KCNH8: variants seen among roughly 807,000 people sequenced by gnomAD.
The protein encoded by KCNH8 is potassium voltage-gated channel subfamily H member 8, also known as voltage-gated delayed rectifier potassium channel KCNH8.
Under a neutral mutation model 103.6 loss-of-function variants are expected in KCNH8, and 70 were observed. The ratio of observed to expected loss-of-function variants is 0.68; its 90% CI spans 0.56 to 0.82. The LOEUF (loss-of-function observed/expected upper bound fraction) is 0.82, where lower values mean the gene tolerates loss of function less well. Ranked by LOEUF, KCNH8 falls within the 40% of genes least tolerant of loss-of-function variation. The pLI is 0.00. For missense variants in KCNH8, 1,217 were observed against 1,329.9 expected (o/e 0.92, Z 1.32); for synonymous variants, 498 against 489.4 (o/e 1.02, Z -0.23).
intron 3 of KCNH8, among the ~76,000 whole-genome samples, chr3:19,291,700 C>T (rs1219689547): frequency 6.6e-6 from 1 of 152,104 alleles, no homozygotes; most frequent in Non-Finnish European, 1.5e-5. Context: ...TGGTGTGGTG[C>T]TGAAAAGAAT....
chr3:19,460,026 C>T (rs142095861), intron 11 of KCNH8, among the ~76,000 whole-genome samples: 70 of 151,908 alleles, frequency 4.6e-4, no homozygotes, highest in Non-Finnish European at 8.4e-4. Context: ...AAAGGAAAAG[C>T]GGGTGTCAGA....
chr3:19,255,109 C>G lies in KCNH8; in HGVS notation c.310+1222C>G, dbSNP rs145434609. Among the ~76,000 whole-genome samples, 537 of 152,140 alleles carry G rather than the reference C, an allele frequency of 3.5e-3. 3 individuals are homozygous for G. Among genetic ancestry groups the G allele is most frequent in the African/African-American group, 0.012 (496 of 41,520 alleles). On this transcript the variant is annotated intron_variant, in intron 2 of 15. Coordinates refer to ENST00000328405, the MANE Select transcript of KCNH8 (RefSeq NM_144633.3). Reference sequence around the variant, plus strand: ...GAGTCCTTATAGGAAGCAGAAGAGGCACTGAGGGTGTGCACACACAAAAGA... The same window carrying G: ...GAGTCCTTATAGGAAGCAGAAGAGGGACTGAGGGTGTGCACACACAAAAGA...
chr3:19,325,087 C>T (rs1418400126), intron 3 of KCNH8, among the ~76,000 whole-genome samples: 1 of 152,076 alleles, frequency 6.6e-6, no homozygotes, highest in East Asian at 1.9e-4. Context: ...CTGACAAAAA[C>T]AAGCAACAGG....
intron 3 of KCNH8, 147 bp from the exon 4 acceptor site, chr3:19,342,440 T>G: frequency 3.3e-6 from 2 of 612,100 alleles, no homozygotes; most frequent in Non-Finnish European, 5.0e-6. Context: ...AGGACTAAAA[T>G]TAAATTAAAT....
intron 5 of KCNH8, among the ~76,000 whole-genome samples, chr3:19,375,895 G>A (rs1198256699): frequency 5.9e-5 from 9 of 152,162 alleles, no homozygotes; most frequent in Non-Finnish European, 1.2e-4. Flanking sequence ...CTTGCTGGGG[G>A]GTGCCTCCCA....
intron 11 of KCNH8, among the ~76,000 whole-genome samples, chr3:19,469,892 C>T (rs1204454230): frequency 6.6e-6 from 1 of 152,032 alleles, no homozygotes; most frequent in Non-Finnish European, 1.5e-5. Context: ...ACCTTCTTCC[C>T]ATCTTCATTG....
At position 19,295,806 on chromosome 3, in the gene KCNH8, A is replaced by G. The variant is rs531197363; in HGVS notation, c.442+14477A>G. Among the ~76,000 whole-genome samples, 526 of 152,152 alleles carry G rather than the reference A, an allele frequency of 3.5e-3. 6 individuals are homozygous for G. Among genetic ancestry groups the G allele is most frequent in the African/African-American group, 0.012 (505 of 41,506 alleles). On this transcript the variant is annotated intron_variant, in intron 3 of 15. Coordinates refer to ENST00000328405, the MANE Select transcript of KCNH8 (RefSeq NM_144633.3). Reference sequence around the variant, plus strand: ...TGAGGTAGTGACTTTGCCAGTGGGGAAAAAAACAGACTATTTGGTACCAAG... The same window carrying G: ...TGAGGTAGTGACTTTGCCAGTGGGGGAAAAAACAGACTATTTGGTACCAAG...
intron 1 of KCNH8, among the ~76,000 whole-genome samples, chr3:19,247,884 T>C (rs1277084334): frequency 6.6e-6 from 1 of 152,148 alleles, no homozygotes; most frequent in African/African-American, 2.4e-5. Flanking sequence ...TATTTGAGGC[T>C]ACAAAGGGAG....
intron 5 of KCNH8, among the ~76,000 whole-genome samples, chr3:19,377,928 C>T (rs1020895989): frequency 6.6e-6 from 1 of 152,122 alleles, no homozygotes; most frequent in African/African-American, 2.4e-5. Flanking sequence ...AAGAAGTGCT[C>T]AACAATAATT....
chr3:19,481,216 A>G (rs1217507773), intron 11 of KCNH8, among the ~76,000 whole-genome samples: 1 of 152,270 alleles, frequency 6.6e-6, no homozygotes, highest in South Asian at 2.1e-4. Context: ...ATTTTGTTAC[A>G]TAGATATACT....
intron 3 of KCNH8, among the ~76,000 whole-genome samples, chr3:19,324,208 G>A (rs2065389862): frequency 1.3e-5 from 2 of 152,146 alleles, no homozygotes; most frequent in Non-Finnish European, 2.9e-5. Context: ...GTGGTTTCCA[G>A]GCGAATGGAG....
chr3:19,161,285 T>C (rs1011091036), intron 1 of KCNH8, among the ~76,000 whole-genome samples: 1 of 152,204 alleles, frequency 6.6e-6, no homozygotes, highest in African/African-American at 2.4e-5. Context: ...TTGGAACATA[T>C]CCGTCTCAGG....
chr3:19,461,104 C>T (rs558492901), intron 11 of KCNH8, among the ~76,000 whole-genome samples: 20 of 152,240 alleles, frequency 1.3e-4, no homozygotes, highest in African/African-American at 3.6e-4. Flanking sequence ...TTGATAATTA[C>T]TTTTGATTGG....
chr3:19,258,910 T>TCC (rs1464345470), intron 2 of KCNH8, among the ~76,000 whole-genome samples: 23 of 28,496 alleles, frequency 8.1e-4, no homozygotes, highest in South Asian at 3.1e-3. Context: ...TCTGTTTCTC[T>TCC]CTCTCTCTCT....
chr3:19,532,560 C>T (rs1349127526), intron 15 of KCNH8, among the ~76,000 whole-genome samples: 1 of 152,162 alleles, frequency 6.6e-6, no homozygotes, highest in Non-Finnish European at 1.5e-5. Context: ...CTACCATTCA[C>T]TAGGTGTCTA....
intron 15 of KCNH8, among the ~76,000 whole-genome samples, chr3:19,519,141 C>T (rs916201324): frequency 4.0e-5 from 6 of 151,736 alleles, no homozygotes; most frequent in Admixed American, 1.3e-4. Context: ...TTCAGGCAGG[C>T]CTGAAGAAAA....
At chr3:19,159,196 T>C (rs563522748) in intron 1 of KCNH8, among the ~76,000 whole-genome samples, 18 of 151,916 alleles carry the variant, frequency 1.2e-4, no homozygotes, top group Non-Finnish European at 2.1e-4. Context: ...ACAGATTTTA[T>C]AATATTGAAC....
intron 11 of KCNH8, among the ~76,000 whole-genome samples, chr3:19,503,155 CA>C (rs1295426847): frequency 2.6e-5 from 4 of 151,250 alleles, no homozygotes; most frequent in Non-Finnish European, 5.9e-5. Flanking sequence ...GACATTTATG[CA>C]GCCAAAAAAC....
At chr3:19,219,519 T>C (rs1282773113) in intron 1 of KCNH8, among the ~76,000 whole-genome samples, 3 of 152,214 alleles carry the variant, frequency 2.0e-5, no homozygotes, top group Non-Finnish European at 4.4e-5. Flanking sequence ...TTTTTCTTTG[T>C]TGCTTTAGTT....
Sources: gnomAD v4.1 joint callset for allele counts (sites outside exome capture counted in the v4.1 genomes callset) on GRCh38, gnomAD v4.1.1 for gene constraint, MANE v1.5 for transcripts, NCBI Gene and HGNC (gene_info 2026-07-23, HGNC 2026-07-21) for gene names.